The following RBFOX1 variants were observed in gnomAD, a reference collection of about 807,000 sequenced individuals.
The protein encoded by RBFOX1 is RNA binding fox-1 homolog 1, also known as RNA binding protein fox-1 homolog 1.
In RBFOX1, 8 loss-of-function variants were observed where a neutral mutation model predicts 57.7. That is an observed-to-expected ratio of 0.14 (90% CI 0.08 to 0.25). RBFOX1 has a LOEUF of 0.25. Among genes scored for constraint, RBFOX1 ranks in the 10% least tolerant of loss-of-function variants. The probability of loss-of-function intolerance (pLI) is 1.00; values close to 1 mark genes in which losing one functional copy is unlikely to be tolerated. For synonymous variants in RBFOX1, 326 were observed against 222.4 expected (o/e 1.47, Z -4.15); for missense variants, 611 against 548.5 (o/e 1.11, Z -1.14).
chr16:5,984,972 ATATATTT>A lies in RBFOX1; in HGVS notation c.351+117639_351+117645del, dbSNP rs1395586072. Among the ~76,000 whole-genome samples the A allele has an allele frequency of 3.4e-4, 19 of 55,718 alleles. No individual in the cohort carries two copies. In the South Asian group the frequency reaches 7.1e-3, roughly 21 times the overall value. 36.6% of individuals were successfully genotyped at this position (55,718 alleles called of 152,430 possible). ...TATATATATATATATATATATATAT[ATATATTT>A]TTTTTTTTTTTTTTTTTCTTTGAGA... is the stretch of plus-strand genomic sequence containing the variant. On this transcript the variant is annotated intron_variant, in intron 4 of 19. Coordinates refer to the RBFOX1 transcript ENST00000641259.
chr16:5,695,778 A>G (rs1418661486), intron 3 of RBFOX1, among the ~76,000 whole-genome samples: 1 of 152,192 alleles, frequency 6.6e-6, no homozygotes, highest in Non-Finnish European at 1.5e-5. Flanking sequence ...CTAGTTTTGT[A>G]TACTGAACAT....
intron 4 of RBFOX1, among the ~76,000 whole-genome samples, chr16:5,896,023 T>C (rs1170324575): frequency 6.6e-6 from 1 of 152,104 alleles, no homozygotes; most frequent in Non-Finnish European, 1.5e-5. Context: ...TGTCTTACGT[T>C]GGGTACTTCA....
At chr16:7,133,471 G>C (rs538456781) in intron 4 of RBFOX1, among the ~76,000 whole-genome samples, 67 of 152,276 alleles carry the variant, frequency 4.4e-4, no homozygotes, top group African/African-American at 1.5e-3. Flanking sequence ...AAGGTTTTTA[G>C]AGGCAATTCA....
At chr16:5,315,010 TG>T (rs942286117) in intron 1 of RBFOX1, among the ~76,000 whole-genome samples, 5 of 152,132 alleles carry the variant, frequency 3.3e-5, no homozygotes, top group African/African-American at 7.2e-5. Flanking sequence ...GAAAGGGCAT[TG>T]GGGGCCTCTG....
At chr16:5,517,268 T>C (rs1350338923) in intron 2 of RBFOX1, among the ~76,000 whole-genome samples, 1 of 151,960 alleles carries the variant, frequency 6.6e-6, no homozygotes, top group African/African-American at 2.4e-5. Context: ...ATCAGCAGAA[T>C]TGCGCAGAAT....
At chr16:6,927,528 ATTTC>A (rs896687198) in intron 3 of RBFOX1, among the ~76,000 whole-genome samples, 2 of 149,130 alleles carry the variant, frequency 1.3e-5, no homozygotes, top group African/African-American at 5.0e-5. Flanking sequence ...GTGAGCAGAT[ATTTC>A]TTTGTTTTGT....
At chr16:7,362,571 GTTAGTGTGTGTA>G (rs1483761092) in intron 4 of RBFOX1, among the ~76,000 whole-genome samples, 2 of 151,966 alleles carry the variant, frequency 1.3e-5, no homozygotes, top group African/African-American at 4.8e-5. Flanking sequence ...TTGTTTGCAT[GTTAGTGTGTGTA>G]TTAGTGTGTG....
chr16:7,144,417 CTTTTTTTT>C (rs1190886141), intron 4 of RBFOX1, among the ~76,000 whole-genome samples: 1 of 66,914 alleles, frequency 1.5e-5, no homozygotes, highest in Non-Finnish European at 2.6e-5. Context: ...TTTCTTTCTT[CTTTTTTTT>C]TTTTTTTTTT....
chr16:6,512,469 G>C (rs1404421990), intron 2 of RBFOX1, among the ~76,000 whole-genome samples: 2 of 152,028 alleles, frequency 1.3e-5, no homozygotes, highest in South Asian at 4.2e-4. Context: ...GGAGTTGAGG[G>C]GTAAGCATGG....
At chr16:5,683,531 C>T (rs149768414) in intron 3 of RBFOX1, among the ~76,000 whole-genome samples, 25 of 152,052 alleles carry the variant, frequency 1.6e-4, no homozygotes, top group African/African-American at 5.5e-4. Flanking sequence ...GCATATAAAG[C>T]AGGCAGAAAA....
At chr16:6,009,816 C>CTCTGTGTG (rs1555469438) in intron 4 of RBFOX1, among the ~76,000 whole-genome samples, 1 of 148,418 alleles carries the variant, frequency 6.7e-6, no homozygotes, top group Non-Finnish European at 1.5e-5. Flanking sequence ...GTGTGTGTGT[C>CTCTGTGTG]TGTGTGTGTG....
intron 2 of RBFOX1, among the ~76,000 whole-genome samples, chr16:6,479,435 A>G (rs1264724199): frequency 6.6e-6 from 1 of 152,052 alleles, no homozygotes; most frequent in East Asian, 1.9e-4. Context: ...TAAAAATACA[A>G]AATTTAGCCC....
At chr16:6,676,110 A>G (rs549156842) in intron 3 of RBFOX1, among the ~76,000 whole-genome samples, 2 of 150,586 alleles carry the variant, frequency 1.3e-5, no homozygotes, top group Non-Finnish European at 2.9e-5. Context: ...AAGTAGGTAG[A>G]AGGATGCTGC....
chr16:6,627,257 C>G (rs138880669), intron 2 of RBFOX1, among the ~76,000 whole-genome samples: 121 of 152,286 alleles, frequency 7.9e-4, no homozygotes, highest in South Asian at 1.5e-3. Flanking sequence ...AAGCTGGCCT[C>G]TAGAAGGCGG....
At chr16:7,097,945 A>C (rs1001452920) in intron 4 of RBFOX1, among the ~76,000 whole-genome samples, 4 of 152,216 alleles carry the variant, frequency 2.6e-5, no homozygotes, top group Non-Finnish European at 4.4e-5. Flanking sequence ...TGAGGATCAG[A>C]AATACAAAAC....
intron 2 of RBFOX1, among the ~76,000 whole-genome samples, chr16:6,333,206 A>AT (rs2152810406): frequency 6.6e-6 from 1 of 151,944 alleles, no homozygotes; most frequent in African/African-American, 2.4e-5. Flanking sequence ...TGTCCAGCTG[A>AT]TTTTTGTTTT....
At chr16:7,240,013 C>T (rs535410284) in intron 4 of RBFOX1, among the ~76,000 whole-genome samples, 5 of 152,184 alleles carry the variant, frequency 3.3e-5, no homozygotes, top group Non-Finnish European at 7.3e-5. Context: ...GTCGCCCAGG[C>T]TGGAGTGCAA....
At chr16:7,010,837 A>G (rs1266034797) in intron 3 of RBFOX1, among the ~76,000 whole-genome samples, 2 of 152,162 alleles carry the variant, frequency 1.3e-5, no homozygotes, top group African/African-American at 4.8e-5. Context: ...TCCGCCTCCC[A>G]AAGTGCTGGG....
intron 1 of RBFOX1, among the ~76,000 whole-genome samples, chr16:6,136,261 G>A (rs1044069164): frequency 7.2e-4 from 110 of 152,174 alleles, no homozygotes; most frequent in African/African-American, 2.4e-3. Flanking sequence ...GCCCTCCTCC[G>A]GCAGGGCCAC....
Sources: allele counts gnomAD v4.1 joint callset (sites outside exome capture counted in the v4.1 genomes callset), GRCh38; gene constraint gnomAD v4.1.1; transcripts MANE v1.5; gene names NCBI Gene and HGNC (gene_info 2026-07-23, HGNC 2026-07-21).